ALDH1L1: variants seen among roughly 807,000 people sequenced by gnomAD.
The protein encoded by ALDH1L1 is aldehyde dehydrogenase 1 family member L1.
Under a neutral mutation model 101.1 loss-of-function variants are expected in ALDH1L1, and 68 were observed. That is an observed-to-expected ratio of 0.67 (90% CI 0.55 to 0.82). The LOEUF is 0.82. ALDH1L1 is among the 40% of genes least tolerant of loss of function. ALDH1L1 has a pLI of 0.00. For missense variants in ALDH1L1, 1,087 were observed against 1,172.7 expected, an observed-to-expected ratio of 0.93 and a Z score of 1.07; for synonymous variants, 486 against 470.8, an observed-to-expected ratio of 1.03 and a Z score of -0.42.
At chr3:126,185,378 A>G (rs1303402048), upstream of ALDH1L1, among the ~76,000 whole-genome samples, 1 of 152,210 alleles carries the variant, frequency 6.6e-6, no homozygotes, top group Non-Finnish European at 1.5e-5. Context: ...AGGTGCTCGC[A>G]CCTCTATGGG....
upstream of ALDH1L1, among the ~76,000 whole-genome samples, chr3:126,184,212 C>T (rs1379204765): frequency 6.6e-6 from 1 of 152,204 alleles, no homozygotes; most frequent in African/African-American, 2.4e-5. Context: ...GAACGAGTCC[C>T]ACTGAAACCC....
intron 12 of ALDH1L1, among the ~76,000 whole-genome samples, chr3:126,134,115 C>A (rs779354991): frequency 6.6e-6 from 1 of 152,180 alleles, no homozygotes; most frequent in Non-Finnish European, 1.5e-5. Context: ...TGCTCTGCAG[C>A]CATTTATCTG....
chr3:126,115,125 G>A (rs1258387364), intron 17 of ALDH1L1: 1 of 456,818 alleles, frequency 2.2e-6, no homozygotes, highest in East Asian at 6.9e-5. Context: ...GCACGCAGCT[G>A]GTGCTGCACA....
At position 126,160,872 on chromosome 3, in the gene ALDH1L1, A is replaced by G. The variant is rs1490564423; in HGVS notation, c.108T>C (p.Asp36=). Residue 36 remains aspartate (D), a synonymous_variant, in exon 2 of 23, where the codon GAT becomes GAC. Coordinates refer to ENST00000393434, the MANE Select transcript of ALDH1L1 (RefSeq NM_012190.4). ...VVGVFTVPDK[D]GKADPLGLEA... is the part of the protein sequence containing the mutation. ...ACTCACCCAGGGGGTCGGCCTTTCCATCCTTGTCTGGAACAGTGAACACAC... is the reference window on the plus strand; with the variant it reads ...ACTCACCCAGGGGGTCGGCCTTTCCGTCCTTGTCTGGAACAGTGAACACAC... The G allele has an allele frequency of 6.2e-7, 1 of 1,614,086 alleles. No homozygotes were observed. Among genetic ancestry groups the G allele is most frequent in the Admixed American group, 1.7e-5 (1 of 60,026 alleles).
intron 1 of ALDH1L1, among the ~76,000 whole-genome samples, chr3:126,162,246 G>A (rs2081074203): frequency 6.6e-6 from 1 of 152,162 alleles, no homozygotes; most frequent in Non-Finnish European, 1.5e-5. Context: ...GAATTCCTGG[G>A]TCATAGGTGT....
At chr3:126,176,085 C>T (rs939423951) in intron 1 of ALDH1L1, among the ~76,000 whole-genome samples, 1 of 152,114 alleles carries the variant, frequency 6.6e-6, no homozygotes, top group Non-Finnish European at 1.5e-5. Flanking sequence ...AAACACAAAA[C>T]CATTTACATT....
intron 19 of ALDH1L1, among the ~76,000 whole-genome samples, chr3:126,111,266 G>A (rs1270349778): frequency 2.6e-5 from 4 of 152,240 alleles, no homozygotes; most frequent in Non-Finnish European, 4.4e-5. Flanking sequence ...ACAATGCATG[G>A]AAGCAATGTT....
intron 1 of ALDH1L1, among the ~76,000 whole-genome samples, chr3:126,177,729 G>A (rs9842910): frequency 0.26 from 38,915 of 152,068 alleles, 6,003 homozygotes; most frequent in African/African-American, 0.44. Flanking sequence ...ACATTGCATC[G>A]ATATTGGCTC....
intron 13 of ALDH1L1, 101 bp from the exon 14 acceptor site, chr3:126,130,394 C>T (rs1394927463): frequency 5.2e-6 from 6 of 1,150,800 alleles, no homozygotes; most frequent in Non-Finnish European, 7.1e-6. Context: ...GAAGTCAAAG[C>T]GACCAGCTTA....
chr3:126,134,104 G>T (rs951801753), intron 12 of ALDH1L1, among the ~76,000 whole-genome samples: 2 of 151,998 alleles, frequency 1.3e-5, no homozygotes, highest in African/African-American at 4.8e-5. Flanking sequence ...CCCTGACAGG[G>T]TGCTCTGCAG....
At position 126,158,455 on chromosome 3, in the gene ALDH1L1, G is replaced by A. The variant is rs768359126; in HGVS notation, c.312C>T (p.Ile104=). Residue 104 remains isoleucine (I), a synonymous_variant, in exon 3 of 23, where the codon ATC becomes ATT. Coordinates refer to ENST00000393434, the MANE Select transcript of ALDH1L1 (RefSeq NM_012190.4). ...GCCTAGGGAGCAGTGACGGGTGATA[G>A]ATGATGGAGCCATGCCGGGGGGCAC... is the stretch of plus-strand genomic sequence containing the variant. ...IISAPRHGSI[I]YHPSLLPRHR... 8 of 1,613,180 alleles carry A rather than the reference G, an allele frequency of 5.0e-6. No individual in the cohort carries two copies. The highest frequency in any genetic ancestry group is 6.8e-6 in the Non-Finnish European group (8 of 1,179,552).
At chr3:126,131,630 C>A in intron 12 of ALDH1L1, 96 bp from the exon 13 acceptor site, 1 of 1,390,196 alleles carries the variant, frequency 7.2e-7, no homozygotes, top group African/African-American at 1.4e-5. Context: ...GGGTCCTGCC[C>A]TCTACCCCAG....
At chr3:126,145,343 T>G (rs751960945) in intron 9 of ALDH1L1, among the ~76,000 whole-genome samples, 1 of 152,198 alleles carries the variant, frequency 6.6e-6, no homozygotes, top group African/African-American at 2.4e-5. Flanking sequence ...TATGACCCAG[T>G]AATCTCACTG....
At chr3:126,188,015 C>G (rs558808387) in intron 1 of ALDH1L1, among the ~76,000 whole-genome samples, 1 of 152,316 alleles carries the variant, frequency 6.6e-6, no homozygotes, top group Admixed American at 6.5e-5. Flanking sequence ...GGCTGCTACA[C>G]GGTCAGGCTG....
At chr3:126,138,820 C>G (rs561689899) in intron 9 of ALDH1L1, among the ~76,000 whole-genome samples, 31 of 152,326 alleles carry the variant, frequency 2.0e-4, no homozygotes, top group African/African-American at 7.0e-4. Flanking sequence ...GATGGCAGAA[C>G]AAGAAGCTCC....
At chr3:126,106,330 T>C (rs1945869288) in intron 21 of ALDH1L1, among the ~76,000 whole-genome samples, 1 of 152,234 alleles carries the variant, frequency 6.6e-6, no homozygotes, top group African/African-American at 2.4e-5. Flanking sequence ...CTTATTCTAA[T>C]ACCACTGACA....
At chr3:126,139,563 A>G (rs1387217315) in intron 9 of ALDH1L1, among the ~76,000 whole-genome samples, 1 of 152,232 alleles carries the variant, frequency 6.6e-6, no homozygotes, top group Non-Finnish European at 1.5e-5. Context: ...TGAAGAAGGT[A>G]CCCCTGAGGA....
intron 18 of ALDH1L1, among the ~76,000 whole-genome samples, chr3:126,113,952 C>G (rs1946159760): frequency 6.6e-6 from 1 of 152,214 alleles, no homozygotes. Flanking sequence ...GGTGGGAGCA[C>G]AGACGCCACA....
rs1054775659 is a variant in ALDH1L1, at chr3:126,103,687, C to T, written c.*104G>A. 1 of 1,251,498 alleles carries T rather than the reference C, an allele frequency of 8.0e-7. No homozygotes were observed. The highest frequency in any genetic ancestry group is 1.5e-5 in the African/African-American group (1 of 67,614). 77.5% of individuals were successfully genotyped at this position (1,251,498 alleles called of 1,614,324 possible). A position where few individuals can be genotyped will look rare whatever the true frequency, so the allele number is the denominator to read the frequency against. ...ACATGGTGTGCAGGCAGGAGGGCTT[C>T]CACTAGCCCCCCAGGTGGGAGGTGC... On this transcript the variant is annotated 3_prime_UTR_variant, in exon 23 of 23. Coordinates refer to ENST00000393434, the MANE Select transcript of ALDH1L1 (RefSeq NM_012190.4).
Sources: allele counts gnomAD v4.1 joint callset (sites outside exome capture counted in the v4.1 genomes callset), GRCh38; gene constraint gnomAD v4.1.1; transcripts MANE v1.5; gene names NCBI Gene and HGNC (gene_info 2026-07-23, HGNC 2026-07-21).